The following RC3H2 variants were observed in gnomAD, a reference collection of about 807,000 sequenced individuals.
RC3H2 encodes the protein ring finger and CCCH-type domains 2, also known as roquin-2.
In RC3H2, 31 loss-of-function variants were observed where a neutral mutation model predicts 133.3. The observed-to-expected ratio is 0.23, with a 90% CI of 0.17 to 0.31. The LOEUF (loss-of-function observed/expected upper bound fraction) is 0.31, where lower values mean the gene tolerates loss of function less well. Among genes scored for constraint, RC3H2 ranks in the 10% least tolerant of loss-of-function variants. The pLI is 1.00. For missense variants in RC3H2, 1,175 were observed against 1,437.2 expected (o/e 0.82, Z 2.95); for synonymous variants, 517 against 502.2 (o/e 1.03, Z -0.40).
At chr9:122,853,866 A>G in intron 18 of RC3H2, 86 bp downstream of exon 18, 2 of 1,613,080 alleles carry the variant, frequency 1.2e-6, no homozygotes, top group Non-Finnish European at 1.7e-6. Flanking sequence ...AGGCACACCA[A>G]AATGCACTCA....
intron 2 of RC3H2, among the ~76,000 whole-genome samples, chr9:122,894,307 A>G (rs918740151): frequency 2.0e-5 from 3 of 152,128 alleles, no homozygotes. Context: ...ATATTTATGG[A>G]GTGCTTACCA....
Position 122,860,145 on chromosome 9 carries a change from T to A in RC3H2, c.1635-14A>T. ...GAACCAATTTTACTGGAGAGAAAAT[T>A]TAACAAAGGGCAAAGGAGAAATCAC... is the stretch of plus-strand genomic sequence containing the variant. On this transcript the variant is annotated splice_polypyrimidine_tract_variant and intron_variant, in intron 10 of 20. Transcript: ENST00000357244. The A allele has an allele frequency of 1.3e-6, 2 of 1,593,868 alleles. No individual in the cohort carries two copies. The highest frequency in any genetic ancestry group is 4.5e-5 in the East Asian group (2 of 44,760).
At chr9:122,881,715 A>G (rs1175994019) in intron 5 of RC3H2, among the ~76,000 whole-genome samples, 1 of 152,154 alleles carries the variant, frequency 6.6e-6, no homozygotes, top group Non-Finnish European at 1.5e-5. Flanking sequence ...GCTGGAGTGC[A>G]GTGGCACAAT....
At chr9:122,890,221 G>A (rs1028021700) in intron 4 of RC3H2, 91 bp downstream of exon 4, 4 of 860,088 alleles carry the variant, frequency 4.7e-6, no homozygotes, top group East Asian at 5.2e-5. Flanking sequence ...ATATAAAGAC[G>A]GGTTGAGTCT....
In RC3H2 at chr9:122,868,878, TG is replaced by T. The variant is rs1830908146; in HGVS notation, c.1326-3222del. On this transcript the variant is annotated intron_variant, in intron 9 of 20. Transcript: ENST00000357244. ...GTGTGTGTGTGTGTGTGTGTGTGTG[TG>T]TGTGTGTGTGTATGTGTTTTTTTTT... 5.7e-4 allele frequency among the ~76,000 whole-genome samples: 13 copies of T among 22,956 alleles called. 1 individual carries two copies. Among genetic ancestry groups the T allele is most frequent in the Admixed American group, 1.7e-3 (4 of 2,394 alleles). The allele number at this position is 22,956 out of a possible 152,430, so 15.1% of individuals were successfully genotyped here. A position where few individuals can be genotyped will look rare whatever the true frequency, so the allele number is the denominator to read the frequency against.
chr9:122,856,400 A>G (rs995020027), intron 13 of RC3H2, among the ~76,000 whole-genome samples: 4 of 152,202 alleles, frequency 2.6e-5, no homozygotes, highest in Admixed American at 6.5e-5. Context: ...CTATAGGCAC[A>G]CGCCACTATG....
At chr9:122,892,860 T>G (rs1832245343) in intron 3 of RC3H2, 49 bp downstream of exon 3, 1 of 1,421,696 alleles carries the variant, frequency 7.0e-7, no homozygotes, top group Non-Finnish European at 9.9e-7. Flanking sequence ...TCAAAGTAAA[T>G]GTACTACCAA....
chr9:122,901,684 C>T (rs146141672), intron 1 of RC3H2, among the ~76,000 whole-genome samples: 274 of 151,082 alleles, frequency 1.8e-3, no homozygotes, highest in African/African-American at 5.9e-3. Flanking sequence ...CTCCGCCTCC[C>T]GGTTTCATAC....
intron 9 of RC3H2, among the ~76,000 whole-genome samples, chr9:122,871,367 A>G (rs753885984): frequency 3.3e-5 from 5 of 150,874 alleles, no homozygotes; most frequent in Non-Finnish European, 5.9e-5. Flanking sequence ...GCGCAATCTC[A>G]GCTCACTGCA....
In RC3H2 at chr9:122,868,071, G is replaced by C. The variant is rs1227334953; in HGVS notation, c.1326-2414C>G. ...GCCGCTCCGTCCGGGAGGGAGGTTG[G>C]GGGGTCAGCACCCCGCCCGGCCAGC... On this transcript the variant is annotated intron_variant, in intron 9 of 20. Coordinates refer to ENST00000357244, the MANE Select transcript of RC3H2 (RefSeq NM_001100588.3). Among the ~76,000 whole-genome samples the C allele has an allele frequency of 6.0e-4, 80 of 133,518 alleles. 1 individual carries two copies. Among genetic ancestry groups the C allele is most frequent in the African/African-American group, 2.0e-3 (72 of 35,870 alleles). The allele number at this position is 133,518 out of a possible 152,430, so 87.6% of individuals were successfully genotyped here.
At chr9:122,854,639 A>G (rs747951304) in intron 15 of RC3H2, 24 bp from the exon 16 acceptor site, 13 of 1,536,960 alleles carry the variant, frequency 8.5e-6, no homozygotes, top group Admixed American at 3.3e-5. Flanking sequence ...GAATGAAACA[A>G]TGGTCAAAAA....
intron 18 of RC3H2, among the ~76,000 whole-genome samples, chr9:122,852,556 C>A (rs1414636575): frequency 6.8e-6 from 1 of 146,586 alleles, no homozygotes; most frequent in Non-Finnish European, 1.5e-5. Flanking sequence ...CCCCGCCCGG[C>A]CAGCCGCCCC....
intron 9 of RC3H2, among the ~76,000 whole-genome samples, chr9:122,875,690 A>G (rs1439671508): frequency 6.6e-6 from 1 of 152,228 alleles, no homozygotes; most frequent in Non-Finnish European, 1.5e-5. Context: ...GATGAGCTAG[A>G]CAAAGGAAAG....
At chr9:122,867,898 G>A (rs1237876810) in intron 9 of RC3H2, among the ~76,000 whole-genome samples, 1 of 53,720 alleles carries the variant, frequency 1.9e-5, no homozygotes, top group Admixed American at 1.6e-4. Flanking sequence ...GAGGTGGGGG[G>A]GTCAGCCCCC....
chr9:122,881,323 GA>G (rs1265027356), intron 5 of RC3H2, among the ~76,000 whole-genome samples: 1 of 151,684 alleles, frequency 6.6e-6, no homozygotes, highest in Non-Finnish European at 1.5e-5. Flanking sequence ...CCCATCTCAA[GA>G]AAAAATACAA....
At position 122,879,819 on chromosome 9, in the gene RC3H2, G is replaced by A; in HGVS notation, c.1148C>T (p.Thr383Ile). ...GAAGTCCACAAGGCCATGAACTACTGTTTTAACAGCTACCATTGCATTTTC... is the reference window on the plus strand; with the variant it reads ...GAAGTCCACAAGGCCATGAACTACTATTTTAACAGCTACCATTGCATTTTC... ...QLENAMVAVKTVVHGLVDFIQ... is the reference protein window; with the variant it reads ...QLENAMVAVKIVVHGLVDFIQ... The change falls in exon 8 of 21, where the codon ACA becomes ATA. Residue 383 changes from threonine to isoleucine, a missense_variant. Coordinates refer to ENST00000357244, the MANE Select transcript of RC3H2 (RefSeq NM_001100588.3). 1.2e-6 allele frequency: 2 copies of A among 1,614,072 alleles called. No homozygotes were observed. The highest frequency in any genetic ancestry group is 2.2e-5 in the East Asian group (1 of 44,884).
At position 122,859,049 on chromosome 9, in the gene RC3H2, G is replaced by A. The variant is rs534922578; in HGVS notation, c.1903C>T (p.Arg635Cys). 17 of 1,609,422 alleles carry A rather than the reference G, an allele frequency of 1.1e-5. No homozygotes were observed. Among genetic ancestry groups the A allele is most frequent in the East Asian group, 6.7e-5 (3 of 44,766 alleles). Residue 635 changes from arginine to cysteine, a missense_variant, in exon 12 of 21, where the codon CGC (arginine) becomes TGC (cysteine). Arg to Cys is a radical substitution (Grantham distance 180). Coordinates refer to ENST00000357244, the MANE Select transcript of RC3H2 (RefSeq NM_001100588.3). ...GGAACGTTATTGGACCTCACAAAGCGAGGAACACAGGGAGCCACACCAGCT... is the reference window on the plus strand; with the variant it reads ...GGAACGTTATTGGACCTCACAAAGCAAGGAACACAGGGAGCCACACCAGCT... ...VPAGVAPCVP[R>C]FVRSNNVPES...
At chr9:122,877,677 A>T (rs1831401114) in intron 8 of RC3H2, 94 bp from the exon 9 acceptor site, 1 of 879,058 alleles carries the variant, frequency 1.1e-6, no homozygotes, top group Non-Finnish European at 1.8e-6. Flanking sequence ...TTACACCTTT[A>T]ATTCTTTTTC....
intron 9 of RC3H2, among the ~76,000 whole-genome samples, chr9:122,872,014 G>A (rs1181327698): frequency 6.6e-6 from 1 of 152,016 alleles, no homozygotes; most frequent in Non-Finnish European, 1.5e-5. Context: ...CTGAGCTCAA[G>A]TGATCTTCTT....
Sources: allele counts gnomAD v4.1 joint callset (sites outside exome capture counted in the v4.1 genomes callset), GRCh38; gene constraint gnomAD v4.1.1; transcripts MANE v1.5; gene names NCBI Gene and HGNC (gene_info 2026-07-23, HGNC 2026-07-21).